ARHGAP26: variants seen among roughly 807,000 people sequenced by gnomAD.
The protein encoded by ARHGAP26 is Rho GTPase activating protein 26.
Under a neutral mutation model 104.8 loss-of-function variants are expected in ARHGAP26, and 38 were observed. The ratio of observed to expected loss-of-function variants is 0.36; its 90% confidence interval spans 0.28 to 0.48. ARHGAP26 has a LOEUF of 0.48. Among genes scored for constraint, ARHGAP26 ranks in the 20% least tolerant of loss-of-function variants. The pLI, the probability that ARHGAP26 is intolerant of heterozygous loss-of-function variation, is 0.99. For synonymous variants in ARHGAP26, 341 were observed against 340.0 expected, an observed-to-expected ratio of 1.00 and a Z score of -0.03; for missense variants, 704 against 947.9, an observed-to-expected ratio of 0.74 and a Z score of 3.38.
intron 10 of ARHGAP26, among the ~76,000 whole-genome samples, chr5:142,919,750 A>G (rs1290823348): frequency 6.6e-6 from 1 of 152,126 alleles, no homozygotes; most frequent in Non-Finnish European, 1.5e-5. Context: ...TAATCCCAGC[A>G]TTTTGGGAGG....
At chr5:142,893,524 A>G (rs1759016469) in intron 5 of ARHGAP26, among the ~76,000 whole-genome samples, 1 of 152,118 alleles carries the variant, frequency 6.6e-6, no homozygotes, top group Non-Finnish European at 1.5e-5. Context: ...TTCACTTCAT[A>G]TCTTGGCTGT....
In ARHGAP26 at chr5:142,813,530, G is replaced by A. The variant is rs115290105; in HGVS notation, c.154+42615G>A. Among the ~76,000 whole-genome samples, 827 of 152,328 alleles carry A rather than the reference G, an allele frequency of 5.4e-3. 13 individuals are homozygous for A. Among genetic ancestry groups the A allele is most frequent in the African/African-American group, 0.019 (788 of 41,568 alleles). On this transcript the variant is annotated intron_variant, in intron 1 of 22. Transcript: ENST00000645722. ...ACCATAACAAGGTCCCACAGACAGG[G>A]CAGTTTCAATAACAAAACTTGGTGT...
chr5:142,984,863 T>G (rs1774440182), intron 11 of ARHGAP26, among the ~76,000 whole-genome samples: 1 of 152,192 alleles, frequency 6.6e-6, no homozygotes, highest in African/African-American at 2.4e-5. Context: ...GTTACTAGTT[T>G]ATGTATTTAC....
At chr5:143,157,021 CAGAAAAAT>C (rs1350106329) in intron 20 of ARHGAP26, among the ~76,000 whole-genome samples, 1 of 152,094 alleles carries the variant, frequency 6.6e-6, no homozygotes, top group African/African-American at 2.4e-5. Context: ...CTGGTATTGA[CAGAAAAAT>C]AGCTCTCAGG....
intron 18 of ARHGAP26, among the ~76,000 whole-genome samples, chr5:143,124,194 T>C: frequency 6.6e-6 from 1 of 152,224 alleles, no homozygotes; most frequent in South Asian, 2.1e-4. Context: ...ACATCTTATA[T>C]AAGGTATTTA....
chr5:143,100,670 AG>A (rs1417391455), intron 17 of ARHGAP26, among the ~76,000 whole-genome samples: 3 of 152,218 alleles, frequency 2.0e-5, no homozygotes, highest in African/African-American at 7.2e-5. Flanking sequence ...CAGTCTCCTT[AG>A]GGACTCTGCT....
At chr5:143,140,163 G>A (rs139740515) in intron 19 of ARHGAP26, among the ~76,000 whole-genome samples, 3 of 152,294 alleles carry the variant, frequency 2.0e-5, no homozygotes, top group African/African-American at 7.2e-5. Context: ...TATTTTTAAA[G>A]CACCCTAGTG....
chr5:143,068,420 C>T (rs1459363466), intron 17 of ARHGAP26, among the ~76,000 whole-genome samples: 1 of 152,160 alleles, frequency 6.6e-6, no homozygotes, highest in Non-Finnish European at 1.5e-5. Context: ...ACAATATCCA[C>T]ACCTGTGCCT....
At chr5:142,777,378 A>G (rs1367377263) in intron 1 of ARHGAP26, among the ~76,000 whole-genome samples, 1 of 152,202 alleles carries the variant, frequency 6.6e-6, no homozygotes, top group African/African-American at 2.4e-5. Flanking sequence ...AGCCCTCTCA[A>G]TGGACAAAAT....
intron 20 of ARHGAP26, among the ~76,000 whole-genome samples, chr5:143,198,518 C>G (rs1246824386): frequency 6.6e-6 from 1 of 152,172 alleles, no homozygotes; most frequent in Non-Finnish European, 1.5e-5. Flanking sequence ...GCATTCTGCC[C>G]ATTTAACCTT....
intron 17 of ARHGAP26, among the ~76,000 whole-genome samples, chr5:143,101,289 C>G (rs778745932): frequency 6.6e-6 from 1 of 152,110 alleles, no homozygotes; most frequent in African/African-American, 2.4e-5. Context: ...TACTCTGGTT[C>G]GAGTGTGTCA....
At chr5:143,082,003 C>A (rs1309681925) in intron 17 of ARHGAP26, among the ~76,000 whole-genome samples, 30 of 135,884 alleles carry the variant, frequency 2.2e-4, no homozygotes, top group South Asian at 2.0e-3. Context: ...GAGGGAGACT[C>A]CATCTCAAAA....
intron 17 of ARHGAP26, among the ~76,000 whole-genome samples, chr5:143,084,976 C>T (rs905550844): frequency 2.8e-5 from 4 of 141,504 alleles, no homozygotes; most frequent in South Asian, 2.2e-4. Flanking sequence ...ACCAGGGAGA[C>T]GGAGGTTACA....
intron 4 of ARHGAP26, among the ~76,000 whole-genome samples, chr5:142,884,542 G>A (rs1156733177): frequency 6.6e-6 from 1 of 152,206 alleles, no homozygotes; most frequent in African/African-American, 2.4e-5. Flanking sequence ...TCCATAGGTA[G>A]ACACACTCTA....
intron 19 of ARHGAP26, among the ~76,000 whole-genome samples, chr5:143,137,448 G>A (rs1420611733): frequency 6.6e-6 from 1 of 152,196 alleles, no homozygotes; most frequent in Non-Finnish European, 1.5e-5. Flanking sequence ...CTGGTTTGAT[G>A]CGACCTTACC....
intron 13 of ARHGAP26, among the ~76,000 whole-genome samples, chr5:143,037,647 A>G (rs246634): frequency 0.017 from 2,632 of 152,348 alleles, 33 homozygotes; most frequent in Non-Finnish European, 0.027. Context: ...CAAGATATCC[A>G]TAATAATTGT....
intron 11 of ARHGAP26, among the ~76,000 whole-genome samples, chr5:143,008,295 T>C (rs1196550690): frequency 1.3e-5 from 2 of 152,278 alleles, no homozygotes; most frequent in Non-Finnish European, 2.9e-5. Flanking sequence ...AACAGTAAAG[T>C]TGGACTTTGA....
intron 11 of ARHGAP26, among the ~76,000 whole-genome samples, chr5:142,976,917 C>T (rs1317005886): frequency 6.6e-6 from 1 of 152,194 alleles, no homozygotes; most frequent in East Asian, 1.9e-4. Context: ...GGTCTGTACC[C>T]TACCCATTTG....
intron 1 of ARHGAP26, among the ~76,000 whole-genome samples, chr5:142,869,232 C>T (rs1414806743): frequency 2.8e-5 from 4 of 141,914 alleles, no homozygotes; most frequent in African/African-American, 1.1e-4. Flanking sequence ...TTTGAGACAG[C>T]GTCTCACACT....
Sources: gnomAD v4.1 joint callset for allele counts (sites outside exome capture counted in the v4.1 genomes callset) on GRCh38, gnomAD v4.1.1 for gene constraint, MANE v1.5 for transcripts, NCBI Gene and HGNC (gene_info 2026-07-23, HGNC 2026-07-21) for gene names.